MAMDC2: variants seen among roughly 807,000 people sequenced by gnomAD.
MAMDC2 encodes the protein MAM domain containing 2.
Under a neutral mutation model 89.8 loss-of-function variants are expected in MAMDC2, and 57 were observed. The observed-to-expected ratio is 0.63, with a 90% CI of 0.51 to 0.79. The LOEUF (loss-of-function observed/expected upper bound fraction) is 0.79, where lower values mean the gene tolerates loss of function less well. Among genes scored for constraint, MAMDC2 ranks in the 30% least tolerant of loss-of-function variants. The pLI is 0.00. For synonymous variants in MAMDC2, 313 were observed against 293.4 expected (o/e 1.07, Z -0.68); for missense variants, 800 against 820.6 (o/e 0.97, Z 0.31).
intron 9 of MAMDC2, among the ~76,000 whole-genome samples, chr9:70,151,956 G>A (rs1362706962): frequency 2.6e-5 from 4 of 152,052 alleles, no homozygotes; most frequent in Admixed American, 1.3e-4. Context: ...AAGACAGTAC[G>A]TGCCTTCATG....
At chr9:70,152,996 C>T (rs762749523) in intron 9 of MAMDC2, 1 of 152,152 alleles carries the variant, frequency 6.6e-6, no homozygotes, top group Non-Finnish European at 1.5e-5. Flanking sequence ...TTATAGACAA[C>T]ATCTCTTTAA....
intron 7 of MAMDC2, among the ~76,000 whole-genome samples, chr9:70,133,980 C>A (rs1265134399): frequency 6.6e-6 from 1 of 152,086 alleles, no homozygotes; most frequent in Non-Finnish European, 1.5e-5. Context: ...AGAAGCTGAG[C>A]CTTTTAATTT....
At chr9:70,199,055 G>A (rs887532477) in intron 11 of MAMDC2, among the ~76,000 whole-genome samples, 7 of 1,738 alleles carry the variant, frequency 4.0e-3, no homozygotes, top group East Asian at 0.067. Context: ...TTTTTTTTTC[G>A]TTTGTTTTTT....
At chr9:70,069,194 C>T (rs1482819443) in intron 2 of MAMDC2, among the ~76,000 whole-genome samples, 4 of 152,114 alleles carry the variant, frequency 2.6e-5, no homozygotes, top group Non-Finnish European at 5.9e-5. Context: ...TCATGTGTGC[C>T]ATTTCAGTTG....
At chr9:70,170,436 T>G (rs2032303315) in intron 10 of MAMDC2, 43 bp from the exon 11 acceptor site, 1 of 1,563,910 alleles carries the variant, frequency 6.4e-7, no homozygotes, top group African/African-American at 1.4e-5. Flanking sequence ...ACAGAGTCAT[T>G]GAAAGAGTCT....
At chr9:70,214,174 A>G (rs1483709421) in intron 11 of MAMDC2, among the ~76,000 whole-genome samples, 1 of 152,240 alleles carries the variant, frequency 6.6e-6, no homozygotes, top group Non-Finnish European at 1.5e-5. Flanking sequence ...TTAAGAGGCA[A>G]TTAACTATGG....
At chr9:70,054,614 G>A (rs1339363818) in intron 2 of MAMDC2, among the ~76,000 whole-genome samples, 1 of 151,864 alleles carries the variant, frequency 6.6e-6, no homozygotes, top group Non-Finnish European at 1.5e-5. Context: ...TTAGGAAGGG[G>A]GGACTTGAGC....
rs568709357 is a variant in MAMDC2 at position 70,140,040 on chromosome 9, G to A, written c.995-105G>A. Reference sequence around the variant, plus strand: ...ATATTTAGTTGTGTTTTACTTCTTCGGTCTCCCCTGGTACAAATGTGTATA... The same window carrying A: ...ATATTTAGTTGTGTTTTACTTCTTCAGTCTCCCCTGGTACAAATGTGTATA... On this transcript the variant is annotated intron_variant, in intron 7 of 13. Coordinates refer to ENST00000377182, the MANE Select transcript of MAMDC2 (RefSeq NM_153267.5). 74 of 1,188,966 alleles carry A rather than the reference G, an allele frequency of 6.2e-5. No homozygotes were observed. The Middle Eastern group carries it at 6.3e-4, about 10-fold the overall frequency. The allele number at this position is 1,188,966 out of a possible 1,614,324, so 73.7% of individuals were successfully genotyped here.
chr9:70,127,128 CTATG>C (rs1157085366), intron 6 of MAMDC2, among the ~76,000 whole-genome samples: 2 of 152,140 alleles, frequency 1.3e-5, no homozygotes, highest in East Asian at 3.9e-4. Flanking sequence ...ATGTCTGTAT[CTATG>C]TATGTATTTC....
intron 2 of MAMDC2, among the ~76,000 whole-genome samples, chr9:70,053,050 C>G (rs1260640595): frequency 6.6e-6 from 1 of 152,204 alleles, no homozygotes; most frequent in Non-Finnish European, 1.5e-5. Flanking sequence ...GATGACCAGA[C>G]TTTGAACTAG....
chr9:70,170,420 A>G, intron 10 of MAMDC2, 59 bp from the exon 11 acceptor site: 1 of 1,528,126 alleles, frequency 6.5e-7, no homozygotes, highest in Admixed American at 2.0e-5. Context: ...GTGGGCTGCT[A>G]GCAACACAGA....
At chr9:70,124,257 G>T (rs2030423900) in intron 5 of MAMDC2, among the ~76,000 whole-genome samples, 2 of 152,190 alleles carry the variant, frequency 1.3e-5, no homozygotes, top group Non-Finnish European at 2.9e-5. Context: ...TCTGTTTCTC[G>T]ATGTGGGGGA....
chr9:70,224,993 A>G (rs2033621067), intron 12 of MAMDC2, among the ~76,000 whole-genome samples: 1 of 152,156 alleles, frequency 6.6e-6, no homozygotes, highest in South Asian at 2.1e-4. Flanking sequence ...TCCAATGAAG[A>G]CTCACTTGCT....
intron 9 of MAMDC2, among the ~76,000 whole-genome samples, chr9:70,166,615 T>C (rs2032187543): frequency 1.3e-5 from 2 of 152,186 alleles, no homozygotes; most frequent in South Asian, 4.1e-4. Flanking sequence ...CCGTAGTTCA[T>C]TTATTTCTTC....
At chr9:70,116,600 A>G (rs2030006107) in intron 5 of MAMDC2, among the ~76,000 whole-genome samples, 1 of 151,542 alleles carries the variant, frequency 6.6e-6, no homozygotes, top group South Asian at 2.1e-4. Flanking sequence ...GCCTAATGCT[A>G]TTTACCAAAA....
chr9:70,101,015 G>C (rs1234919351), intron 2 of MAMDC2, among the ~76,000 whole-genome samples: 1 of 152,166 alleles, frequency 6.6e-6, no homozygotes, highest in African/African-American at 2.4e-5. Context: ...TCAACGATGG[G>C]CATATATGAT....
intron 11 of MAMDC2, among the ~76,000 whole-genome samples, chr9:70,201,684 G>T (rs2033101767): frequency 8.2e-6 from 1 of 121,710 alleles, no homozygotes. Context: ...ATCTGGTCCT[G>T]GACTCTTTTT....
intron 11 of MAMDC2, among the ~76,000 whole-genome samples, chr9:70,183,800 T>G (rs968390452): frequency 6.6e-6 from 1 of 152,204 alleles, no homozygotes; most frequent in African/African-American, 2.4e-5. Context: ...CTCTATCCAA[T>G]TTGCCAGTCT....
At chr9:70,109,629 T>G (rs111360991) in intron 3 of MAMDC2, 91 bp from the exon 4 acceptor site, 4 of 1,057,376 alleles carry the variant, frequency 3.8e-6, no homozygotes, top group Non-Finnish European at 5.8e-6. Flanking sequence ...CTTAAGTGGC[T>G]GAACAGCTCC....
Sources: gnomAD v4.1 joint callset for allele counts (sites outside exome capture counted in the v4.1 genomes callset) on GRCh38, gnomAD v4.1.1 for gene constraint, MANE v1.5 for transcripts, NCBI Gene and HGNC (gene_info 2026-07-23, HGNC 2026-07-21) for gene names.